The following TEAD1 variants were observed in gnomAD, a reference collection of about 807,000 sequenced individuals.
TEAD1 encodes transcriptional enhancer factor TEF-1.
Under a neutral mutation model 54.9 loss-of-function variants are expected in TEAD1, and 9 were observed. The observed-to-expected ratio is 0.16, with a 90% CI of 0.10 to 0.29. TEAD1 has a LOEUF of 0.29. Ranked by LOEUF, TEAD1 falls within the 10% of genes least tolerant of loss-of-function variation. TEAD1 has a pLI of 1.00. For missense variants in TEAD1, 387 were observed against 535.9 expected (o/e 0.72, Z 2.74); for synonymous variants, 200 against 187.8 (o/e 1.07, Z -0.53).
At chr11:12,710,437 C>CTGTT (rs1312191364) in intron 2 of TEAD1, among the ~76,000 whole-genome samples, 2 of 152,136 alleles carry the variant, frequency 1.3e-5, no homozygotes, top group Non-Finnish European at 2.9e-5. Flanking sequence ...GATGTGGCTC[C>CTGTT]TGTTATTCAG....
At chr11:12,861,471 A>G (rs934064401) in intron 3 of TEAD1, among the ~76,000 whole-genome samples, 1 of 152,148 alleles carries the variant, frequency 6.6e-6, no homozygotes, top group Admixed American at 6.6e-5. Flanking sequence ...CCGTGGCCAC[A>G]GCAGCTCGTT....
At chr11:12,758,404 A>AT (rs1945029451) in intron 2 of TEAD1, among the ~76,000 whole-genome samples, 4 of 89,480 alleles carry the variant, frequency 4.5e-5, no homozygotes, top group Admixed American at 2.4e-4. Flanking sequence ...ACGCCCAGCT[A>AT]GTTTTTTTTT....
At chr11:12,849,688 G>A (rs1382927802) in intron 3 of TEAD1, among the ~76,000 whole-genome samples, 2 of 152,212 alleles carry the variant, frequency 1.3e-5, no homozygotes, top group African/African-American at 4.8e-5. Context: ...TGGACGTCCA[G>A]TGAGGGACAT....
Position 12,943,506 on chromosome 11 carries a change from C to T in TEAD1, c.*6284C>T, listed in dbSNP as rs1949179336. The T allele has an allele frequency of 6.6e-6, 1 of 152,512 alleles. No individual in the cohort carries two copies. Among genetic ancestry groups the T allele is most frequent in the Non-Finnish European group, 1.5e-5 (1 of 68,038 alleles). The allele number at this position is 152,512 out of a possible 1,614,324, so 9.4% of individuals were successfully genotyped here. On this transcript the variant is annotated 3_prime_UTR_variant, in exon 13 of 13. Transcript: ENST00000527636. ...TGTATTTATTGTCCTACTTCCTAAG[C>T]CGTAACTTCTTTTCCTCTGTGAATT... is the stretch of plus-strand genomic sequence containing the variant.
At position 12,675,516 on chromosome 11, in the gene TEAD1, C is replaced by G. The variant is rs1192586901; in HGVS notation, c.-100C>G. 1 of 152,252 alleles carries G rather than the reference C, an allele frequency of 6.6e-6. No individual in the cohort carries two copies. The highest frequency in any genetic ancestry group is 1.5e-5 in the Non-Finnish European group (1 of 68,054). The allele number at this position is 152,252 out of a possible 1,614,324, so 9.4% of individuals were successfully genotyped here. ...AAAAAGACTGAGTCGCAGTTACCAC[C>G]AAACCCAGGAGGAGACTCTCCCTGG... On this transcript the variant is annotated 5_prime_UTR_variant, in exon 2 of 13. Transcript: ENST00000527636.
intron 3 of TEAD1, among the ~76,000 whole-genome samples, chr11:12,773,398 A>G (rs1021292994): frequency 6.6e-6 from 1 of 152,118 alleles, no homozygotes; most frequent in Admixed American, 6.6e-5. Context: ...TCTCACCTGC[A>G]ATCTAGTTTC....
intron 2 of TEAD1, among the ~76,000 whole-genome samples, chr11:12,713,785 C>G (rs1943993625): frequency 6.6e-6 from 1 of 152,218 alleles, no homozygotes; most frequent in Non-Finnish European, 1.5e-5. Flanking sequence ...CTTTTCCACT[C>G]CGCCGTCCTT....
In TEAD1 at chr11:12,906,551, A is replaced by G. The variant is rs968360248; in HGVS notation, c.873+4438A>G. On this transcript the variant is annotated intron_variant, in intron 10 of 12. Transcript: ENST00000527636. ...AGTGAGACTCCTTCTCAAAAAAAAA[A>G]AAAAAAAGAAAGAAAGAAAAGTACA... Among the ~76,000 whole-genome samples the G allele has an allele frequency of 2.7e-3, 416 of 152,046 alleles. 5 individuals are homozygous for G. Among genetic ancestry groups the G allele is most frequent in the African/African-American group, 7.2e-3 (298 of 41,488 alleles).
At chr11:12,790,444 A>G (rs374062461) in intron 3 of TEAD1, among the ~76,000 whole-genome samples, 3 of 152,236 alleles carry the variant, frequency 2.0e-5, no homozygotes, top group African/African-American at 7.2e-5. Context: ...GGTACTCAGT[A>G]AATGATAGCT....
intron 3 of TEAD1, among the ~76,000 whole-genome samples, chr11:12,806,715 A>G (rs1366540846): frequency 6.6e-6 from 1 of 152,236 alleles, no homozygotes; most frequent in Non-Finnish European, 1.5e-5. Flanking sequence ...GGGTTGGCCT[A>G]AGTAGCTTTG....
intron 3 of TEAD1, among the ~76,000 whole-genome samples, chr11:12,823,916 A>G (rs1003417361): frequency 1.8e-4 from 27 of 152,166 alleles, no homozygotes; most frequent in Non-Finnish European, 3.8e-4. Context: ...AATGTGGTAG[A>G]ATGTTCACAA....
intron 9 of TEAD1, among the ~76,000 whole-genome samples, chr11:12,893,204 T>C (rs1948234226): frequency 6.6e-6 from 1 of 152,216 alleles, no homozygotes. Context: ...GATCTAACGG[T>C]TGGCTCTGCT....
rs1304325521 is a variant in TEAD1 at position 12,937,432 on chromosome 11, G to T, written c.*210G>T. 2.2e-6 allele frequency: 1 copy of T among 451,408 alleles called. No homozygotes were observed. Among genetic ancestry groups the T allele is most frequent in the Admixed American group, 3.5e-5 (1 of 28,416 alleles). The allele number at this position is 451,408 out of a possible 1,614,324, so 28.0% of individuals were successfully genotyped here. Reference sequence around the variant, plus strand: ...CTATCATTGTAGCTGTGAAGTTCTGGTACAGTTGTAAAAAGAGAAATTGAG... The same window carrying T: ...CTATCATTGTAGCTGTGAAGTTCTGTTACAGTTGTAAAAAGAGAAATTGAG... On this transcript the variant is annotated 3_prime_UTR_variant, in exon 13 of 13. Transcript: ENST00000527636.
chr11:12,690,930 G>T (rs1369194749), intron 2 of TEAD1, among the ~76,000 whole-genome samples: 1 of 152,014 alleles, frequency 6.6e-6, no homozygotes, highest in Non-Finnish European at 1.5e-5. Flanking sequence ...TAGTTTTTTA[G>T]TTTTTTGTAG....
At chr11:12,911,878 T>C (rs16911746) in intron 10 of TEAD1, among the ~76,000 whole-genome samples, 25,530 of 152,024 alleles carry the variant, frequency 0.17, 2,832 homozygotes, top group African/African-American at 0.31. Context: ...CCAAACTTCT[T>C]TGTAGGCCTT....
intron 12 of TEAD1, among the ~76,000 whole-genome samples, chr11:12,932,615 G>A (rs1344207872): frequency 2.0e-5 from 3 of 152,162 alleles, no homozygotes; most frequent in East Asian, 1.9e-4. Flanking sequence ...GGCGGACCAC[G>A]TGTATGGTAG....
intron 3 of TEAD1, among the ~76,000 whole-genome samples, chr11:12,860,563 G>T (rs191042273): frequency 1.3e-5 from 2 of 152,320 alleles, no homozygotes; most frequent in East Asian, 3.9e-4. Flanking sequence ...AGTGTTTCCA[G>T]TTCTTTACTC....
At chr11:12,881,087 G>A (rs1227611190) in intron 7 of TEAD1, 36 bp downstream of exon 7, 2 of 1,612,808 alleles carry the variant, frequency 1.2e-6, no homozygotes, top group South Asian at 1.1e-5. Context: ...GACAACTACG[G>A]GCTGGTCCCA....
intron 12 of TEAD1, among the ~76,000 whole-genome samples, chr11:12,934,322 GGTGGGAATT>G (rs1373515392): frequency 6.6e-6 from 1 of 152,104 alleles, no homozygotes; most frequent in African/African-American, 2.4e-5. Flanking sequence ...CTCACTCATA[GGTGGGAATT>G]GAACAATGAG....
Sources: allele counts gnomAD v4.1 joint callset (sites outside exome capture counted in the v4.1 genomes callset), GRCh38; gene constraint gnomAD v4.1.1; transcripts MANE v1.5; gene names NCBI Gene and HGNC (gene_info 2026-07-23, HGNC 2026-07-21).